RBFOX1: variants seen among roughly 807,000 people sequenced by gnomAD.
RBFOX1 encodes the protein RNA binding fox-1 homolog 1.
In RBFOX1, 8 loss-of-function variants were observed where a neutral mutation model predicts 57.7. The ratio of observed to expected loss-of-function variants is 0.14; its 90% CI spans 0.08 to 0.25. The LOEUF (loss-of-function observed/expected upper bound fraction) is 0.25. Ranked by LOEUF, RBFOX1 falls within the 10% of genes least tolerant of loss-of-function variation. RBFOX1 has a pLI of 1.00. For synonymous variants in RBFOX1, 326 were observed against 222.4 expected, an observed-to-expected ratio of 1.47 and a Z score of -4.15; for missense variants, 611 against 548.5, an observed-to-expected ratio of 1.11 and a Z score of -1.14.
chr16:7,019,724 G>T (rs1376176477), intron 3 of RBFOX1, among the ~76,000 whole-genome samples: 2 of 152,316 alleles, frequency 1.3e-5, no homozygotes, highest in East Asian at 3.9e-4. Context: ...AAGAGAACAA[G>T]CTTGGTTTCA....
rs552563576 is a variant in RBFOX1, at chr16:6,398,095, G to T, written c.-64+81038G>T. On this transcript the variant is annotated intron_variant, in intron 2 of 15. Coordinates refer to ENST00000550418, the MANE Select transcript of RBFOX1 (RefSeq NM_018723.4). ...GGTAAGCAAACACGTCCTTCTTCAC[G>T]TGGTAGCAGGAAAGAGAAGTGCTGA... Among the ~76,000 whole-genome samples, 4 of 152,084 alleles carry T rather than the reference G, an allele frequency of 2.6e-5. No individual in the cohort carries two copies. In the South Asian group the frequency reaches 8.3e-4, roughly 32 times the overall value.
chr16:7,254,856 T>C (rs1265016754), intron 4 of RBFOX1, among the ~76,000 whole-genome samples: 1 of 152,134 alleles, frequency 6.6e-6, no homozygotes, highest in Non-Finnish European at 1.5e-5. Context: ...GTGATTTTGG[T>C]CTGAAATAGG....
At chr16:5,354,555 C>G (rs2065340566) in intron 1 of RBFOX1, among the ~76,000 whole-genome samples, 1 of 152,186 alleles carries the variant, frequency 6.6e-6, no homozygotes, top group Non-Finnish European at 1.5e-5. Context: ...AGAAGGGGAT[C>G]AATACATTCT....
intron 4 of RBFOX1, among the ~76,000 whole-genome samples, chr16:7,460,821 C>T (rs2059446576): frequency 6.6e-6 from 1 of 152,150 alleles, no homozygotes; most frequent in Non-Finnish European, 1.5e-5. Context: ...AACTGCATTT[C>T]CAGCCTCCCT....
chr16:6,354,582 C>A (rs998221906), intron 2 of RBFOX1, among the ~76,000 whole-genome samples: 9 of 152,172 alleles, frequency 5.9e-5, no homozygotes, highest in Non-Finnish European at 1.3e-4. Context: ...TGCCCTCTTC[C>A]TCTGGCTCAT....
intron 2 of RBFOX1, among the ~76,000 whole-genome samples, chr16:6,418,398 G>A (rs1433046933): frequency 6.6e-6 from 1 of 152,096 alleles, no homozygotes. Context: ...TGGGGAATAT[G>A]TCTATAAACC....
rs926101242 is a variant in RBFOX1 at position 5,829,796 on chromosome 16, G to A, written c.319-37507G>A. Among the ~76,000 whole-genome samples, 4 of 152,298 alleles carry A rather than the reference G, an allele frequency of 2.6e-5. No individual in the cohort carries two copies. The South Asian group carries it at 8.3e-4, about 32-fold the overall frequency. ...CAAAGGCCTTTGAATGCCATCAGCA[G>A]CAACTACAGAATCAAAGAGAAATTA... On this transcript the variant is annotated intron_variant, in intron 3 of 19. Transcript: ENST00000641259.
At chr16:6,011,473 G>A (rs964750156) in intron 4 of RBFOX1, among the ~76,000 whole-genome samples, 1 of 151,958 alleles carries the variant, frequency 6.6e-6, no homozygotes. Flanking sequence ...GCTTAAGTTT[G>A]TAAGCTTTGA....
chr16:7,515,718 A>C (rs192641073), intron 4 of RBFOX1, among the ~76,000 whole-genome samples: 19 of 152,356 alleles, frequency 1.2e-4, no homozygotes, highest in Non-Finnish European at 2.9e-5. Flanking sequence ...AGCTGGATTC[A>C]ACACTTCAAA....
At chr16:6,298,108 G>A (rs879704836) in intron 1 of RBFOX1, among the ~76,000 whole-genome samples, 3 of 152,172 alleles carry the variant, frequency 2.0e-5, no homozygotes, top group African/African-American at 7.2e-5. Flanking sequence ...AAGGCTAAAA[G>A]AGCACACTGT....
intron 4 of RBFOX1, among the ~76,000 whole-genome samples, chr16:7,142,947 A>G (rs770146277): frequency 6.7e-6 from 1 of 149,096 alleles, no homozygotes; most frequent in Non-Finnish European, 1.5e-5. Context: ...ATTTCTACCT[A>G]TGATATAGCT....
chr16:5,894,908 T>G (rs1823035665), intron 4 of RBFOX1, among the ~76,000 whole-genome samples: 1 of 152,032 alleles, frequency 6.6e-6, no homozygotes, highest in African/African-American at 2.4e-5. Flanking sequence ...TGTAGTCCCC[T>G]TCTACTCTGG....
chr16:7,396,536 C>G (rs1002653633), intron 4 of RBFOX1, among the ~76,000 whole-genome samples: 1 of 152,176 alleles, frequency 6.6e-6, no homozygotes, highest in Non-Finnish European at 1.5e-5. Flanking sequence ...TAGCTTAATA[C>G]TCTGCGGACC....
chr16:6,978,383 C>T (rs2087701633), intron 3 of RBFOX1, among the ~76,000 whole-genome samples: 1 of 152,150 alleles, frequency 6.6e-6, no homozygotes, highest in African/African-American at 2.4e-5. Flanking sequence ...ATACAGACGT[C>T]ATGAGGACAA....
At chr16:5,725,097 T>C (rs2052091430) in intron 3 of RBFOX1, among the ~76,000 whole-genome samples, 2 of 152,144 alleles carry the variant, frequency 1.3e-5, no homozygotes, top group African/African-American at 4.8e-5. Context: ...TCCATCTTTG[T>C]CCCCAGTACT....
chr16:5,282,121 C>A (rs930922113), intron 1 of RBFOX1, among the ~76,000 whole-genome samples: 2 of 152,312 alleles, frequency 1.3e-5, no homozygotes, highest in East Asian at 3.9e-4. Flanking sequence ...GAATCAGTCT[C>A]ATGAGATCTG....
Position 5,635,121 on chromosome 16 carries a change from GCTC to G in RBFOX1, c.318+36167_318+36169del, listed in dbSNP as rs146239759. Reference sequence around the variant, plus strand: ...ATACAGTGTATCACTGAACTACACTGCTCCTCCTCATCTTTCTTTAACATTTTC... The same window carrying G: ...ATACAGTGTATCACTGAACTACACTGCTCCTCATCTTTCTTTAACATTTTC... On this transcript the variant is annotated intron_variant, in intron 3 of 19. Transcript: ENST00000641259. Among the ~76,000 whole-genome samples, 1,058 of 152,288 alleles carry G rather than the reference GCTC, an allele frequency of 6.9e-3. 9 individuals carry two copies. The highest frequency in any genetic ancestry group is 0.024 in the African/African-American group (1,013 of 41,548).
chr16:5,878,397 G>A (rs923227907), intron 4 of RBFOX1, among the ~76,000 whole-genome samples: 1 of 152,190 alleles, frequency 6.6e-6, no homozygotes, highest in African/African-American at 2.4e-5. Flanking sequence ...TTTAACAGAT[G>A]AGAAAACCAA....
intron 4 of RBFOX1, among the ~76,000 whole-genome samples, chr16:7,077,210 A>T (rs945695915): frequency 3.1e-4 from 47 of 152,238 alleles, no homozygotes; most frequent in African/African-American, 6.8e-4. Flanking sequence ...CAATCAGGCT[A>T]GTCTTTGTTC....
Sources: gnomAD v4.1 joint callset for allele counts (sites outside exome capture counted in the v4.1 genomes callset) on GRCh38, gnomAD v4.1.1 for gene constraint, MANE v1.5 for transcripts, NCBI Gene and HGNC (gene_info 2026-07-23, HGNC 2026-07-21) for gene names.